TBC1D32: variants seen among roughly 807,000 people sequenced by gnomAD.
TBC1D32 encodes the protein TBC1 domain family member 32, also known as protein broad-minded.
A neutral mutation model predicts 170.3 loss-of-function variants in TBC1D32; 151 were observed. That is an observed-to-expected ratio of 0.89 (90% CI 0.78 to 1.01). TBC1D32 has a LOEUF of 1.01. Ranked by LOEUF, TBC1D32 falls within the 50% of genes least tolerant of loss-of-function variation. The probability of loss-of-function intolerance (pLI) is 0.00; values close to 1 mark genes in which losing one functional copy is unlikely to be tolerated. For missense variants in TBC1D32, 1,464 were observed against 1,457.1 expected, an observed-to-expected ratio of 1.00 and a Z score of -0.08; for synonymous variants, 498 against 488.0, an observed-to-expected ratio of 1.02 and a Z score of -0.27.
At chr6:121,243,229 C>A (rs2128366154) in intron 17 of TBC1D32, among the ~76,000 whole-genome samples, 1 of 151,926 alleles carries the variant, frequency 6.6e-6, no homozygotes, top group African/African-American at 2.4e-5. Flanking sequence ...AAAAACTAAA[C>A]TCACCTAATA....
chr6:121,146,055 T>A (rs1783398352), intron 24 of TBC1D32, among the ~76,000 whole-genome samples: 1 of 152,200 alleles, frequency 6.6e-6, no homozygotes, highest in Non-Finnish European at 1.5e-5. Context: ...GAGGCAATGC[T>A]AGTTGAAGAC....
At chr6:121,334,075 TAGAG>T (rs1169530742) in intron 1 of TBC1D32, among the ~76,000 whole-genome samples, 197 bp downstream of exon 1, 3 of 151,808 alleles carry the variant, frequency 2.0e-5, no homozygotes, top group South Asian at 2.1e-4. Context: ...TCAAAAAATA[TAGAG>T]AGAAAGAGGC....
intron 4 of TBC1D32, among the ~76,000 whole-genome samples, chr6:121,308,938 C>A (rs971227159): frequency 6.6e-6 from 1 of 152,094 alleles, no homozygotes; most frequent in Non-Finnish European, 1.5e-5. Flanking sequence ...CACACTAATT[C>A]CAGCCTCATC....
chr6:121,295,946 C>G (rs192048895), intron 10 of TBC1D32, among the ~76,000 whole-genome samples: 38 of 152,170 alleles, frequency 2.5e-4, no homozygotes, highest in Admixed American at 3.3e-4. Context: ...GAATGGCTGA[C>G]AATGTTTGCA....
chr6:121,299,299 G>A (rs1806107820), intron 10 of TBC1D32, 147 bp downstream of exon 10: 1 of 772,238 alleles, frequency 1.3e-6, no homozygotes, highest in Non-Finnish European at 2.0e-6. Context: ...ATGTGTCACA[G>A]GATGGTAGTT....
At chr6:121,314,405 T>C (rs1256568491) in intron 3 of TBC1D32, among the ~76,000 whole-genome samples, 1 of 152,132 alleles carries the variant, frequency 6.6e-6, no homozygotes, top group Non-Finnish European at 1.5e-5. Flanking sequence ...GTTCTAGGGA[T>C]TAGGACATGG....
At chr6:121,143,277 C>G (rs1783026255) in intron 24 of TBC1D32, among the ~76,000 whole-genome samples, 1 of 151,974 alleles carries the variant, frequency 6.6e-6, no homozygotes, top group Non-Finnish European at 1.5e-5. Flanking sequence ...TACATACATA[C>G]ACAGAGAATG....
intron 24 of TBC1D32, among the ~76,000 whole-genome samples, chr6:121,133,906 ATTC>A (rs573208913): frequency 1.8e-3 from 274 of 152,148 alleles, no homozygotes; most frequent in African/African-American, 6.2e-3. Flanking sequence ...AGAGAAAATG[ATTC>A]TTTTTAATAA....
intron 17 of TBC1D32, among the ~76,000 whole-genome samples, chr6:121,252,128 G>A (rs1563084099): frequency 6.6e-6 from 1 of 152,148 alleles, no homozygotes; most frequent in Non-Finnish European, 1.5e-5. Flanking sequence ...GTTGGCGGGA[G>A]TGTAAATTAG....
chr6:121,085,873 G>A (rs567959612), intron 31 of TBC1D32, among the ~76,000 whole-genome samples: 2 of 152,044 alleles, frequency 1.3e-5, no homozygotes, highest in African/African-American at 2.4e-5. Context: ...GTCTTGGCTA[G>A]GTTAATGAGG....
intron 21 of TBC1D32, among the ~76,000 whole-genome samples, chr6:121,206,260 C>T (rs1050306301): frequency 2.0e-5 from 3 of 151,572 alleles, no homozygotes; most frequent in African/African-American, 7.3e-5. Context: ...CAATGCCCTG[C>T]TTTTACATAT....
chr6:121,312,449 T>A (rs1225488160), intron 3 of TBC1D32, among the ~76,000 whole-genome samples: 1 of 152,168 alleles, frequency 6.6e-6, no homozygotes, highest in Non-Finnish European at 1.5e-5. Context: ...ACAGCAGTAG[T>A]ATAATCATAG....
intron 21 of TBC1D32, among the ~76,000 whole-genome samples, chr6:121,214,004 C>T (rs964199865): frequency 1.3e-5 from 2 of 152,126 alleles, no homozygotes; most frequent in African/African-American, 4.8e-5. Context: ...ATCTGATCAT[C>T]AACAAAGTTG....
rs758592318 is a variant in TBC1D32 at position 121,131,765 on chromosome 6, A to G, written c.2774-13T>C. Reference sequence around the variant, plus strand: ...TCAAGATCATTGTCTAATCAGAAAGATAACATACTATTATAATAAGACATG... The same window carrying G: ...TCAAGATCATTGTCTAATCAGAAAGGTAACATACTATTATAATAAGACATG... On this transcript the variant is annotated splice_polypyrimidine_tract_variant and intron_variant, in intron 24 of 31. Transcript: ENST00000398212. 13 of 1,561,894 alleles carry G rather than the reference A, an allele frequency of 8.3e-6. No individual in the cohort carries two copies. In the East Asian group the frequency reaches 2.9e-4, roughly 35 times the overall value.
At chr6:121,317,877 C>CA (rs759039500) in intron 2 of TBC1D32, among the ~76,000 whole-genome samples, 25 of 151,990 alleles carry the variant, frequency 1.6e-4, no homozygotes, top group African/African-American at 2.7e-4. Flanking sequence ...ATAGAGAATT[C>CA]AAAAAGTATG....
rs192681704 is a variant in TBC1D32, at chr6:121,151,464, G to T, written c.2773+8546C>A. Among the ~76,000 whole-genome samples, 16 of 152,244 alleles carry T rather than the reference G, an allele frequency of 1.1e-4. No homozygotes were observed. The East Asian group carries it at 2.7e-3, about 26-fold the overall frequency. On this transcript the variant is annotated intron_variant, in intron 24 of 31. Transcript: ENST00000398212. ...AATAAGTGCTATGTGGTGCTGAGAAGAATGTATATTCTGTTGATTTGGGGT... is the reference window on the plus strand; with the variant it reads ...AATAAGTGCTATGTGGTGCTGAGAATAATGTATATTCTGTTGATTTGGGGT...
chr6:121,182,488 T>C (rs967074185), intron 22 of TBC1D32, among the ~76,000 whole-genome samples: 7 of 152,176 alleles, frequency 4.6e-5, no homozygotes, highest in Admixed American at 3.3e-4. Flanking sequence ...CTAAATGCCA[T>C]TTGGTACTCA....
chr6:121,259,926 G>A (rs2128402763), intron 15 of TBC1D32, among the ~76,000 whole-genome samples: 1 of 152,250 alleles, frequency 6.6e-6, no homozygotes, highest in Middle Eastern at 3.4e-3. Flanking sequence ...TCAAGAAATA[G>A]AAGACAACAG....
At chr6:121,295,289 CAAAAA>C (rs60783883) in intron 10 of TBC1D32, among the ~76,000 whole-genome samples, 5 of 108,578 alleles carry the variant, frequency 4.6e-5, no homozygotes, top group Non-Finnish European at 8.8e-5. Flanking sequence ...ATCCTAATTC[CAAAAA>C]AAAAAAAAAA....
Sources: allele counts gnomAD v4.1 joint callset (sites outside exome capture counted in the v4.1 genomes callset), GRCh38; gene constraint gnomAD v4.1.1; transcripts MANE v1.5; gene names NCBI Gene and HGNC (gene_info 2026-07-23, HGNC 2026-07-21).